Variants in RANBP17 observed in about 807,000 individuals in gnomAD.
The protein encoded by RANBP17 is ran-binding protein 17.
A neutral mutation model predicts 141.2 loss-of-function variants in RANBP17; 158 were observed. That is an observed-to-expected ratio of 1.12 (90% CI 0.98 to 1.28). The LOEUF is 1.28. Among genes scored for constraint, RANBP17 ranks in the 50% most tolerant of loss-of-function variants. The pLI is 0.00. For missense variants in RANBP17, 1,438 were observed against 1,290.7 expected (o/e 1.11, Z -1.75); for synonymous variants, 430 against 450.0 (o/e 0.96, Z 0.56).
intron 24 of RANBP17, among the ~76,000 whole-genome samples, chr5:171,260,008 A>G (rs1248626468): frequency 6.6e-6 from 1 of 151,094 alleles, no homozygotes; most frequent in Non-Finnish European, 1.5e-5. Flanking sequence ...TAAAATAAAA[A>G]TAAAAATTAG....
chr5:171,169,832 G>A (rs1465975082), intron 14 of RANBP17, among the ~76,000 whole-genome samples: 6 of 151,694 alleles, frequency 4.0e-5, no homozygotes, highest in African/African-American at 1.5e-4. Context: ...AGAAAGGGGT[G>A]GTCTACCACT....
At chr5:171,064,463 T>C (rs1388466971) in intron 14 of RANBP17, among the ~76,000 whole-genome samples, 1 of 152,204 alleles carries the variant, frequency 6.6e-6, no homozygotes, top group East Asian at 1.9e-4. Flanking sequence ...TATATCTCCT[T>C]TGAGTTGTTT....
At position 171,035,787 on chromosome 5, in the gene RANBP17, G is replaced by T. The variant is rs139488340; in HGVS notation, c.1710+67410G>T. On this transcript the variant is annotated intron_variant, in intron 14 of 27. Coordinates refer to ENST00000523189, the MANE Select transcript of RANBP17 (RefSeq NM_022897.5). ...ATTTCAACTTTTATTTTAGATTCAG[G>T]ATATGTGTGCAGGTTTGTTCCATGG... Among the ~76,000 whole-genome samples, 695 of 146,836 alleles carry T rather than the reference G, an allele frequency of 4.7e-3. 10 individuals carry two copies. Among genetic ancestry groups the T allele is most frequent in the African/African-American group, 0.013 (503 of 39,570 alleles).
chr5:171,152,575 C>T (rs1038594906), intron 14 of RANBP17, among the ~76,000 whole-genome samples: 3 of 152,162 alleles, frequency 2.0e-5, no homozygotes, highest in Non-Finnish European at 4.4e-5. Context: ...AGCCAGTACT[C>T]TGGCTTTTAA....
At chr5:171,181,040 T>C (rs1281884865) in intron 16 of RANBP17, among the ~76,000 whole-genome samples, 1 of 152,234 alleles carries the variant, frequency 6.6e-6, no homozygotes, top group African/African-American at 2.4e-5. Context: ...TCTAAGTTTA[T>C]TGATCCCACC....
chr5:170,970,563 C>G (rs1776910659), intron 14 of RANBP17: 1 of 152,072 alleles, frequency 6.6e-6, no homozygotes, highest in African/African-American at 2.4e-5. Context: ...TTAATTATGC[C>G]TAGTGTTCCA....
chr5:171,281,830 T>C (rs1433293642), intron 25 of RANBP17, among the ~76,000 whole-genome samples: 2 of 152,212 alleles, frequency 1.3e-5, no homozygotes, highest in Admixed American at 1.3e-4. Flanking sequence ...TCATAGTCCC[T>C]CCTGAGGCTT....
At chr5:170,941,797 ACTT>A (rs1311025170) in intron 12 of RANBP17, among the ~76,000 whole-genome samples, 7 of 152,210 alleles carry the variant, frequency 4.6e-5, no homozygotes, top group African/African-American at 1.7e-4. Context: ...ATTCTTATAT[ACTT>A]CTGGTGGGAG....
chr5:170,994,848 T>C (rs2127569207), intron 14 of RANBP17, among the ~76,000 whole-genome samples: 1 of 152,226 alleles, frequency 6.6e-6, no homozygotes, highest in African/African-American at 2.4e-5. Flanking sequence ...TTTTTGACCA[T>C]GACGTTGTTG....
At position 171,001,801 on chromosome 5, in the gene RANBP17, A is replaced by G. The variant is rs1044556250; in HGVS notation, c.1710+33424A>G. Among the ~76,000 whole-genome samples the G allele has an allele frequency of 3.9e-5, 6 of 152,102 alleles. No individual in the cohort carries two copies. In the South Asian group the frequency reaches 8.3e-4, roughly 21 times the overall value. On this transcript the variant is annotated intron_variant, in intron 14 of 27. Transcript: ENST00000523189. ...CATGGCCAGTCCGTTATTGGACTGT[A>G]TAGAGGTGGGAAGGCAAAACCGAGG...
chr5:170,956,895 C>T (rs1466245589), intron 13 of RANBP17, among the ~76,000 whole-genome samples: 1 of 151,724 alleles, frequency 6.6e-6, no homozygotes, highest in Non-Finnish European at 1.5e-5. Context: ...CACGGTGAAA[C>T]CCCGTCTCTA....
chr5:171,213,632 T>C lies in RANBP17; in HGVS notation c.2233T>C (p.Tyr745His), dbSNP rs1276134949. ...TSYTMLFDWM[Y>H]PTYLPLLQNA... ...ATTCTTTAACAGGCTTTATAAAAGG[T>C]ACCCAACGTACCTTCCCCTTCTTCA... Residue 745 changes from tyrosine (Y) to histidine (H), a missense_variant and splice_region_variant, in exon 21 of 28, where the codon TAC becomes CAC. Physicochemically the swap from Tyr to His is moderately conservative, Grantham distance 83. Coordinates refer to ENST00000523189, the MANE Select transcript of RANBP17 (RefSeq NM_022897.5). 6.2e-7 allele frequency: 1 copy of C among 1,611,158 alleles called. No homozygotes were observed. The highest frequency in any genetic ancestry group is 8.5e-7 in the Non-Finnish European group (1 of 1,177,346).
At chr5:171,196,611 A>G (rs1013603622) in intron 18 of RANBP17, among the ~76,000 whole-genome samples, 8 of 152,154 alleles carry the variant, frequency 5.3e-5, no homozygotes, top group African/African-American at 1.9e-4. Flanking sequence ...GCTGTCATTT[A>G]TTAAGTACCA....
chr5:171,159,917 C>CA (rs1175963382), intron 14 of RANBP17, among the ~76,000 whole-genome samples: 2,124 of 40,440 alleles, frequency 0.053, 65 homozygotes, highest in African/African-American at 0.067. Context: ...GACTCCATCT[C>CA]AAAAAAAAAA....
intron 25 of RANBP17, among the ~76,000 whole-genome samples, chr5:171,292,005 C>G (rs1217146824): frequency 1.3e-5 from 2 of 152,194 alleles, no homozygotes; most frequent in Non-Finnish European, 2.9e-5. Flanking sequence ...TTTGATGCCT[C>G]TAACTTTAAT....
At chr5:171,109,226 T>A (rs1339514607) in intron 14 of RANBP17, among the ~76,000 whole-genome samples, 2 of 152,218 alleles carry the variant, frequency 1.3e-5, no homozygotes, top group African/African-American at 4.8e-5. Context: ...TATTTGCGGT[T>A]AAGTAGGAAA....
At chr5:171,069,265 C>G (rs1192492760) in intron 14 of RANBP17, among the ~76,000 whole-genome samples, 1 of 152,178 alleles carries the variant, frequency 6.6e-6, no homozygotes, top group African/African-American at 2.4e-5. Flanking sequence ...ATTTTCTGCC[C>G]TAGCAGCAGG....
At chr5:171,016,985 C>T (rs1028890008) in intron 14 of RANBP17, among the ~76,000 whole-genome samples, 8 of 143,100 alleles carry the variant, frequency 5.6e-5, no homozygotes, top group Non-Finnish European at 1.1e-4. Flanking sequence ...CTCCCACTTA[C>T]GTGTGAGAGC....
chr5:171,068,978 G>A (rs146327137), intron 14 of RANBP17, among the ~76,000 whole-genome samples: 21 of 152,140 alleles, frequency 1.4e-4, no homozygotes, highest in Non-Finnish European at 2.5e-4. Context: ...ATGTTTTTGC[G>A]ATATTTTGCG....
Sources: gnomAD v4.1 joint callset for allele counts (sites outside exome capture counted in the v4.1 genomes callset) on GRCh38, gnomAD v4.1.1 for gene constraint, MANE v1.5 for transcripts, NCBI Gene and HGNC (gene_info 2026-07-23, HGNC 2026-07-21) for gene names.